Variants in GNPAT observed in about 807,000 individuals in gnomAD.
GNPAT encodes the protein glyceronephosphate O-acyltransferase, also known as dihydroxyacetone phosphate acyltransferase.
A neutral mutation model predicts 78.4 loss-of-function variants in GNPAT; 30 were observed. The ratio of observed to expected loss-of-function variants is 0.38; its 90% confidence interval spans 0.29 to 0.52. The LOEUF is 0.52. Ranked by LOEUF, GNPAT falls within the 20% of genes least tolerant of loss-of-function variation. The probability of loss-of-function intolerance (pLI) is 0.84; values close to 1 mark genes in which losing one functional copy is unlikely to be tolerated. For missense variants in GNPAT, 714 were observed against 812.2 expected (o/e 0.88, Z 1.47); for synonymous variants, 271 against 281.1 (o/e 0.96, Z 0.36).
intron 3 of GNPAT, 98 bp from the exon 4 acceptor site, chr1:231,262,625 C>A: frequency 2.1e-6 from 2 of 946,838 alleles, no homozygotes. Context: ...GATGGGTATT[C>A]CCTCTAAATA....
At chr1:231,251,203 C>A in intron 2 of GNPAT, 60 bp downstream of exon 2, 1 of 1,001,984 alleles carries the variant, frequency 1.0e-6, no homozygotes, top group Non-Finnish European at 1.5e-6. Flanking sequence ...GTTCTTAATT[C>A]TATAACTTAT....
At chr1:231,276,569 T>C (rs1685722789) in intron 15 of GNPAT, among the ~76,000 whole-genome samples, 1 of 152,216 alleles carries the variant, frequency 6.6e-6, no homozygotes, top group Non-Finnish European at 1.5e-5. Flanking sequence ...AGTGAGAGAT[T>C]AGTGTCAGTG....
chr1:231,267,202 C>T (rs495183), intron 8 of GNPAT, among the ~76,000 whole-genome samples: 89,847 of 152,056 alleles, frequency 0.59, 27,007 homozygotes, highest in African/African-American at 0.69. Context: ...CAGCTCTGTG[C>T]AGGCCTTATT....
intron 9 of GNPAT, among the ~76,000 whole-genome samples, chr1:231,269,364 G>T (rs1685486051): frequency 3.3e-5 from 5 of 152,154 alleles, no homozygotes; most frequent in Admixed American, 3.3e-4. Flanking sequence ...CAGATGGGGT[G>T]GTGGGTAGAT....
At chr1:231,268,583 T>C (rs1685457855) in intron 9 of GNPAT, among the ~76,000 whole-genome samples, 1 of 136,196 alleles carries the variant, frequency 7.3e-6, no homozygotes, top group Non-Finnish European at 1.5e-5. Flanking sequence ...GAGACCAGCC[T>C]CAGTAACATA....
intron 2 of GNPAT, among the ~76,000 whole-genome samples, chr1:231,252,819 G>A (rs906217457): frequency 2.0e-5 from 3 of 151,870 alleles, no homozygotes; most frequent in Non-Finnish European, 2.9e-5. Context: ...ATTCTTGCTT[G>A]ATGTTGGTTA....
chr1:231,260,652 A>G lies in GNPAT; in HGVS notation c.407A>G (p.Lys136Arg). 6.2e-7 allele frequency: 1 copy of G among 1,612,390 alleles called. No individual in the cohort carries two copies. The highest frequency in any genetic ancestry group is 8.5e-7 in the Non-Finnish European group (1 of 1,178,490). The change falls in exon 3 of 16, where the codon AAG (lysine) becomes AGG (arginine). Residue 136 changes from lysine (K) to arginine (R), a missense_variant. Physicochemically the swap from Lys to Arg is conservative, Grantham distance 26. Coordinates refer to ENST00000366647, the MANE Select transcript of GNPAT (RefSeq NM_014236.4). The stretch of plus-strand genomic sequence containing the variant: ...AAAGTATTTAAACAAATTTTCTCGA[A>G]GGTGTGTGTAAATGAAGAAGGTATT... ...LSKVFKQIFS[K>R]VCVNEEGIQK...
At chr1:231,260,966 A>T (rs1209450795) in intron 3 of GNPAT, among the ~76,000 whole-genome samples, 2 of 152,212 alleles carry the variant, frequency 1.3e-5, no homozygotes, top group East Asian at 3.8e-4. Flanking sequence ...ACTTAATGCC[A>T]GATATTCAGT....
chr1:231,274,197 A>C (rs1685647688), intron 12 of GNPAT, 135 bp downstream of exon 12: 1 of 823,140 alleles, frequency 1.2e-6, no homozygotes, highest in Admixed American at 1.8e-5. Flanking sequence ...AGAGTGACTA[A>C]TACGATCAGT....
intron 2 of GNPAT, among the ~76,000 whole-genome samples, chr1:231,259,647 CAAA>C (rs11446278): frequency 2.6e-5 from 3 of 117,632 alleles, no homozygotes; most frequent in Non-Finnish European, 3.5e-5. Context: ...AACTCCGTCT[CAAA>C]AAAAAAAAAA....
intron 3 of GNPAT, 101 bp from the exon 4 acceptor site, chr1:231,262,622 A>T: frequency 1.1e-6 from 1 of 921,694 alleles, no homozygotes; most frequent in Non-Finnish European, 1.8e-6. Context: ...GAGGATGGGT[A>T]TTCCCTCTAA....
chr1:231,247,972 C>T (rs914925190), intron 1 of GNPAT, among the ~76,000 whole-genome samples: 1 of 152,186 alleles, frequency 6.6e-6, no homozygotes, highest in Admixed American at 6.5e-5. Context: ...ATTTGGCAAG[C>T]TTTTTCAAAG....
Position 231,251,277 on chromosome 1 carries a change from G to C in GNPAT, c.261+134G>C, listed in dbSNP as rs1346286779. ...TCATCACATTTATCAAATAATTACT[G>C]TATCCGTGTGTGTTAGCCTCTTGCT... On this transcript the variant is annotated intron_variant, in intron 2 of 15. Coordinates refer to ENST00000366647, the MANE Select transcript of GNPAT (RefSeq NM_014236.4). The C allele has an allele frequency of 1.1e-5, 7 of 614,770 alleles. No homozygotes were observed. In the East Asian group the frequency reaches 1.9e-4, roughly 16 times the overall value. The allele number at this position is 614,770 out of a possible 1,614,324, so 38.1% of individuals were successfully genotyped here.
In GNPAT at chr1:231,245,034, G is replaced by A. The variant is rs145704847; in HGVS notation, c.78+3578G>A. ...TCAGACAGTAAAATGCTCTTCCCTCGAATGCTCATAGTCCCTTCTGTGTGG... is the reference window on the plus strand; with the variant it reads ...TCAGACAGTAAAATGCTCTTCCCTCAAATGCTCATAGTCCCTTCTGTGTGG... On this transcript the variant is annotated intron_variant, in intron 1 of 15. Transcript: ENST00000366647. Among the ~76,000 whole-genome samples the A allele has an allele frequency of 2.0e-3, 301 of 152,208 alleles. 2 individuals are homozygous for A. Among genetic ancestry groups the A allele is most frequent in the African/African-American group, 6.7e-3 (277 of 41,518 alleles).
rs1012925297 is a variant in GNPAT, at chr1:231,272,696, C to T, written c.1602+305C>T. ...GTTTAAAAATCAGCACACAGCCGGG[C>T]GCAGTGGCTCATGCCTGTAATCCCA... On this transcript the variant is annotated intron_variant, in intron 11 of 15. Transcript: ENST00000366647. Among the ~76,000 whole-genome samples the T allele has an allele frequency of 1.2e-4, 18 of 152,216 alleles. 1 individual carries two copies. The highest frequency in any genetic ancestry group is 4.1e-4 in the African/African-American group (17 of 41,458).
intron 1 of GNPAT, among the ~76,000 whole-genome samples, chr1:231,246,986 G>A (rs1684766966): frequency 6.6e-6 from 1 of 152,158 alleles, no homozygotes; most frequent in Non-Finnish European, 1.5e-5. Context: ...TGGCTAACAC[G>A]GTGAAACCTC....
chr1:231,251,417 C>T (rs1356991554), intron 2 of GNPAT, among the ~76,000 whole-genome samples: 2 of 151,490 alleles, frequency 1.3e-5, no homozygotes, highest in East Asian at 1.9e-4. Flanking sequence ...TGTGCAGGGG[C>T]GCTAATTAAT....
chr1:231,258,541 G>A (rs1010172577), intron 2 of GNPAT, among the ~76,000 whole-genome samples: 2 of 151,296 alleles, frequency 1.3e-5, no homozygotes, highest in Non-Finnish European at 2.9e-5. Flanking sequence ...CTATAAACAG[G>A]TCCGAGGCTT....
rs375020216 is a variant in GNPAT, at chr1:231,262,719, C to G, written c.439-4C>G. The G allele has an allele frequency of 6.2e-7, 1 of 1,606,022 alleles. No homozygotes were observed. The highest frequency in any genetic ancestry group is 8.5e-7 in the Non-Finnish European group (1 of 1,172,814). The stretch of plus-strand genomic sequence containing the variant: ...TTATTCAAAATGTAACATTTACTTT[C>G]AAGCTACAAAGAGCCATCCAGGAGC... On this transcript the variant is annotated splice_polypyrimidine_tract_variant and splice_region_variant and intron_variant, in intron 3 of 15. Coordinates refer to ENST00000366647, the MANE Select transcript of GNPAT (RefSeq NM_014236.4).
Sources: gnomAD v4.1 joint callset for allele counts (sites outside exome capture counted in the v4.1 genomes callset) on GRCh38, gnomAD v4.1.1 for gene constraint, MANE v1.5 for transcripts, NCBI Gene and HGNC (gene_info 2026-07-23, HGNC 2026-07-21) for gene names.